SOX5: variants seen among roughly 807,000 people sequenced by gnomAD.
SOX5 encodes SRY-box transcription factor 5.
In SOX5, 9 loss-of-function variants were observed where a neutral mutation model predicts 92.0. The observed-to-expected ratio is 0.10, with a 90% CI of 0.06 to 0.17. SOX5 has a LOEUF of 0.17. SOX5 is among the 10% of genes least tolerant of loss of function. SOX5 has a pLI of 1.00. For synonymous variants in SOX5, 344 were observed against 336.3 expected (o/e 1.02, Z -0.25); for missense variants, 642 against 944.5 (o/e 0.68, Z 4.20).
chr12:23,618,801 C>T (rs59569785), intron 8 of SOX5, among the ~76,000 whole-genome samples: 25,937 of 152,078 alleles, frequency 0.17, 2,481 homozygotes, highest in African/African-American at 0.24. Flanking sequence ...TATGGGAAAA[C>T]ACTTTCCAGA....
chr12:24,034,540 CT>C (rs1224974853), intron 4 of SOX5, among the ~76,000 whole-genome samples: 1 of 151,026 alleles, frequency 6.6e-6, no homozygotes, highest in Non-Finnish European at 1.5e-5. Context: ...TCTTCTGCCC[CT>C]GGGACTCTCA....
At chr12:24,413,394 G>T (rs942556069) in intron 1 of SOX5, among the ~76,000 whole-genome samples, 1 of 152,138 alleles carries the variant, frequency 6.6e-6, no homozygotes, top group African/African-American at 2.4e-5. Flanking sequence ...ATTAATGTCT[G>T]CATGATACAT....
intron 2 of SOX5, among the ~76,000 whole-genome samples, chr12:24,323,415 T>C (rs1042793926): frequency 5.9e-5 from 9 of 151,746 alleles, no homozygotes; most frequent in Non-Finnish European, 1.2e-4. Context: ...CAAGTTATAT[T>C]GGTTTTCTAG....
chr12:23,805,243 C>T (rs2095748967), intron 3 of SOX5, among the ~76,000 whole-genome samples: 1 of 151,716 alleles, frequency 6.6e-6, no homozygotes, highest in South Asian at 2.1e-4. Flanking sequence ...CCTGCTTTTA[C>T]TAACCTTGTA....
Position 24,144,733 on chromosome 12 carries a change from G to A in SOX5, c.-2+68610C>T, listed in dbSNP as rs375315283. On this transcript the variant is annotated intron_variant, in intron 4 of 4. Transcript: ENST00000446891. ...AGTCTCAGCTACTTGGGAGGCTGAG[G>A]CAGGAGGATTGCTCGGGCCCAGGAG... is the stretch of plus-strand genomic sequence containing the variant. Among the ~76,000 whole-genome samples, 48 of 152,242 alleles carry A rather than the reference G, an allele frequency of 3.2e-4. 1 individual carries two copies. The South Asian group carries it at 9.1e-3, about 29-fold the overall frequency.
chr12:23,951,685 A>G (rs1945668519), upstream of SOX5, among the ~76,000 whole-genome samples: 3 of 152,106 alleles, frequency 2.0e-5, no homozygotes, highest in South Asian at 6.2e-4. Flanking sequence ...TCAATGTGGA[A>G]TAAGATTTAA....
chr12:24,064,708 C>G (rs1940355376), intron 4 of SOX5, among the ~76,000 whole-genome samples: 2 of 152,060 alleles, frequency 1.3e-5, no homozygotes, highest in Admixed American at 1.3e-4. Context: ...CAGCTGTATC[C>G]TGATCATAGA....
intron 1 of SOX5, among the ~76,000 whole-genome samples, chr12:24,371,806 G>T (rs1956768135): frequency 6.6e-6 from 1 of 152,092 alleles, no homozygotes; most frequent in South Asian, 2.1e-4. Flanking sequence ...TATCCAACAT[G>T]ATGAAACCTC....
chr12:23,652,026 A>G (rs959076084), intron 7 of SOX5, among the ~76,000 whole-genome samples: 48 of 152,004 alleles, frequency 3.2e-4, no homozygotes, highest in African/African-American at 1.1e-3. Flanking sequence ...AGAATATAAA[A>G]CCCCTTCTGA....
intron 4 of SOX5, among the ~76,000 whole-genome samples, chr12:24,093,347 C>T (rs1279353548): frequency 6.6e-6 from 1 of 151,896 alleles, no homozygotes; most frequent in Non-Finnish European, 1.5e-5. Context: ...CGGTGAAACC[C>T]CGTCTCTACT....
At chr12:24,396,188 C>T (rs964984087) in intron 1 of SOX5, among the ~76,000 whole-genome samples, 7 of 152,184 alleles carry the variant, frequency 4.6e-5, no homozygotes, top group Non-Finnish European at 4.4e-5. Context: ...CATTTTAAAA[C>T]GTATCAGGGA....
chr12:24,229,981 AAAGAG>A (rs1398749580), intron 3 of SOX5, among the ~76,000 whole-genome samples: 11 of 152,174 alleles, frequency 7.2e-5, no homozygotes, highest in Non-Finnish European at 1.6e-4. Context: ...TTTTAATAGA[AAAGAG>A]AAATCATCAA....
intron 4 of SOX5, among the ~76,000 whole-genome samples, chr12:24,031,099 G>C (rs1437624763): frequency 6.6e-6 from 1 of 151,700 alleles, no homozygotes; most frequent in Non-Finnish European, 1.5e-5. Flanking sequence ...TGGTGGGAAT[G>C]TATATTGGAA....
At chr12:24,135,198 C>T (rs185676186) in intron 4 of SOX5, among the ~76,000 whole-genome samples, 294 of 152,336 alleles carry the variant, frequency 1.9e-3, no homozygotes, top group Admixed American at 4.4e-3. Context: ...TGCTAAACCA[C>T]CCTAGCCTAA....
chr12:24,412,131 G>A (rs552566376), intron 1 of SOX5, among the ~76,000 whole-genome samples: 9 of 152,092 alleles, frequency 5.9e-5, no homozygotes, highest in South Asian at 2.1e-4. Flanking sequence ...GTATCGTATC[G>A]ATACGATCGA....
rs534130457 is a variant in SOX5 at position 24,229,355 on chromosome 12, C to T, written c.-76-15938G>A. On this transcript the variant is annotated intron_variant, in intron 3 of 4. Transcript: ENST00000446891. ...TGAGAATTGCAAGGCAGGAGTAGCT[C>T]CTAATTCATTAGATAAAGGGGGTCA... Among the ~76,000 whole-genome samples the T allele has an allele frequency of 4.6e-5, 7 of 152,162 alleles. No homozygotes were observed. The East Asian group carries it at 1.4e-3, about 29-fold the overall frequency.
At chr12:24,307,915 C>T (rs1948778257) in intron 2 of SOX5, among the ~76,000 whole-genome samples, 1 of 152,066 alleles carries the variant, frequency 6.6e-6, no homozygotes, top group African/African-American at 2.4e-5. Context: ...TCCCCCAACC[C>T]CACCAGGAAT....
chr12:23,979,984 G>C (rs1949414596), intron 4 of SOX5, among the ~76,000 whole-genome samples: 2 of 151,418 alleles, frequency 1.3e-5, no homozygotes, highest in Non-Finnish European at 2.9e-5. Context: ...CAGATAGATA[G>C]ATAGATAGTA....
intron 7 of SOX5, among the ~76,000 whole-genome samples, chr12:23,641,598 A>T (rs1275033537): frequency 6.6e-6 from 1 of 152,216 alleles, no homozygotes; most frequent in Non-Finnish European, 1.5e-5. Flanking sequence ...ACCTGTAAAA[A>T]TATAGGCACA....
Sources: gnomAD v4.1 joint callset for allele counts (sites outside exome capture counted in the v4.1 genomes callset) on GRCh38, gnomAD v4.1.1 for gene constraint, MANE v1.5 for transcripts, NCBI Gene and HGNC (gene_info 2026-07-23, HGNC 2026-07-21) for gene names.